LIPA: variants seen among roughly 807,000 people sequenced by gnomAD.
LIPA encodes lysosomal acid lipase/cholesteryl ester hydrolase.
A neutral mutation model predicts 40.6 loss-of-function variants in LIPA; 26 were observed. That is an observed-to-expected ratio of 0.64 (90% CI 0.47 to 0.89). LIPA has a LOEUF of 0.89. Among genes scored for constraint, LIPA ranks in the 40% least tolerant of loss-of-function variants. The probability of loss-of-function intolerance (pLI) is 0.00; values close to 1 mark genes in which losing one functional copy is unlikely to be tolerated. For missense variants in LIPA, 455 were observed against 479.6 expected (o/e 0.95, Z 0.48); for synonymous variants, 188 against 168.4 (o/e 1.12, Z -0.90).
At chr10:89,275,249 G>A (rs1843284004) in intron 1 of LIPA, among the ~76,000 whole-genome samples, 2 of 152,154 alleles carry the variant, frequency 1.3e-5, no homozygotes, top group African/African-American at 4.8e-5. Context: ...CCCATCTCCT[G>A]GGTTAACTCC....
At chr10:89,395,208 G>A (rs2133617290) in intron 2 of LIPA, among the ~76,000 whole-genome samples, 1 of 127,946 alleles carries the variant, frequency 7.8e-6, no homozygotes, top group East Asian at 2.6e-4. Flanking sequence ...GGACCAGGCA[G>A]ATGTGCTGCA....
intron 1 of LIPA, among the ~76,000 whole-genome samples, chr10:89,281,492 T>C (rs1228441285): frequency 6.6e-6 from 1 of 152,188 alleles, no homozygotes; most frequent in Non-Finnish European, 1.5e-5. Flanking sequence ...TTTTAACAGG[T>C]GCCCACTGCA....
chr10:89,285,325 C>T (rs1276102934), intron 1 of LIPA: 2 of 152,484 alleles, frequency 1.3e-5, no homozygotes, highest in South Asian at 2.1e-4. Context: ...ACCTCTTTCT[C>T]CTTTCAATCT....
chr10:89,220,909 T>C (rs1397872923), intron 8 of LIPA, among the ~76,000 whole-genome samples: 1 of 152,144 alleles, frequency 6.6e-6, no homozygotes, highest in African/African-American at 2.4e-5. Flanking sequence ...ACTACTGACA[T>C]ACACAACATA....
At chr10:89,380,427 A>C (rs532909842) in intron 2 of LIPA, among the ~76,000 whole-genome samples, 1 of 149,654 alleles carries the variant, frequency 6.7e-6, no homozygotes, top group East Asian at 2.0e-4. Flanking sequence ...ATACATGCAC[A>C]AACTCATCTT....
intron 1 of LIPA, among the ~76,000 whole-genome samples, chr10:89,269,410 T>C (rs986262575): frequency 6.6e-6 from 1 of 152,238 alleles, no homozygotes; most frequent in Non-Finnish European, 1.5e-5. Context: ...ACTAGGATCA[T>C]GTCCTAGAAA....
chr10:89,246,105 A>G (rs1339229641), intron 2 of LIPA, among the ~76,000 whole-genome samples: 8 of 152,182 alleles, frequency 5.3e-5, no homozygotes, highest in African/African-American at 7.2e-5. Flanking sequence ...ACCGGGCACA[A>G]ATAAATGCTC....
At chr10:89,258,508 T>A (rs1305352300) in intron 1 of LIPA, among the ~76,000 whole-genome samples, 1 of 152,220 alleles carries the variant, frequency 6.6e-6, no homozygotes, top group Non-Finnish European at 1.5e-5. Flanking sequence ...TACCACTTCA[T>A]ACCCACTAGG....
intron 1 of LIPA, among the ~76,000 whole-genome samples, chr10:89,288,217 C>T (rs900826133): frequency 1.5e-5 from 2 of 134,942 alleles, no homozygotes; most frequent in Non-Finnish European, 3.5e-5. Context: ...ACTCCTTCTA[C>T]AAAACAACAA....
chr10:89,386,960 TGTGTGTGTGTGTGA>T (rs147847545), intron 2 of LIPA, among the ~76,000 whole-genome samples: 38,012 of 145,488 alleles, frequency 0.26, 4,978 homozygotes, highest in Middle Eastern at 0.29. Flanking sequence ...TGTGTGTGTG[TGTGTGTGTGTGTGA>T]GAGAGAGAGA....
intron 2 of LIPA, among the ~76,000 whole-genome samples, chr10:89,409,447 C>T (rs578002573): frequency 6.6e-6 from 1 of 152,218 alleles, no homozygotes; most frequent in African/African-American, 2.4e-5. Flanking sequence ...ACAAGCTGCC[C>T]CCTCACCCAT....
In LIPA at chr10:89,228,537, T is replaced by A. The variant is rs943918943; in HGVS notation, c.230-139A>T. 6.6e-5 allele frequency: 52 copies of A among 792,384 alleles called. No homozygotes were observed. In the South Asian group the frequency reaches 7.2e-4, roughly 11 times the overall value. 49.1% of individuals were successfully genotyped at this position (792,384 alleles called of 1,614,324 possible). A position where few individuals can be genotyped will look rare whatever the true frequency, so the allele number is the denominator to read the frequency against. On this transcript the variant is annotated intron_variant, in intron 3 of 9. Transcript: ENST00000336233. Reference sequence around the variant, plus strand: ...AAATTGAAAGATTGACATAGTGATGTACTCACATATAATGTTAGTAAAGAA... The same window carrying A: ...AAATTGAAAGATTGACATAGTGATGAACTCACATATAATGTTAGTAAAGAA...
intron 1 of LIPA, chr10:89,277,934 C>G (rs1482131388): frequency 6.6e-6 from 1 of 152,208 alleles, no homozygotes; most frequent in African/African-American, 2.4e-5. Flanking sequence ...GCTCACTTAC[C>G]TAAATTACAA....
intron 1 of LIPA, among the ~76,000 whole-genome samples, chr10:89,258,298 A>G (rs998702951): frequency 1.3e-5 from 2 of 152,194 alleles, no homozygotes; most frequent in Admixed American, 1.3e-4. Flanking sequence ...GACCATACAC[A>G]TACATTTGAA....
intron 3 of LIPA, among the ~76,000 whole-genome samples, chr10:89,236,904 T>C (rs1842911994): frequency 6.6e-6 from 1 of 152,080 alleles, no homozygotes; most frequent in Non-Finnish European, 1.5e-5. Context: ...AAAAAGAAGG[T>C]GAAGAATCTA....
chr10:89,228,576 G>A (rs766818821), intron 3 of LIPA, among the ~76,000 whole-genome samples, 178 bp from the exon 4 acceptor site: 15 of 152,186 alleles, frequency 9.9e-5, no homozygotes, highest in Non-Finnish European at 2.1e-4. Flanking sequence ...TTTTAAAACA[G>A]CACTGGCAAG....
At chr10:89,402,196 G>A in intron 2 of LIPA, 2 of 806,060 alleles carry the variant, frequency 2.5e-6, no homozygotes, top group South Asian at 1.7e-5. Context: ...TCAAGGATAA[G>A]CACTAAAATA....
chr10:89,325,047 TATA>T (rs1843591643), intron 1 of LIPA, among the ~76,000 whole-genome samples: 1 of 151,852 alleles, frequency 6.6e-6, no homozygotes, highest in African/African-American at 2.4e-5. Context: ...GAAATTAAAG[TATA>T]ATAATAAAAA....
chr10:89,288,041 TC>T lies in LIPA; in HGVS notation c.-1-40393del, dbSNP rs529998965. ...GGACTGACCCCGACACCCATCAGGCTCAGCAAATTACCTGGGCTGTACTGCT... is the reference window on the plus strand; with the variant it reads ...GGACTGACCCCGACACCCATCAGGCTAGCAAATTACCTGGGCTGTACTGCT... On this transcript the variant is annotated intron_variant, in intron 1 of 5. Coordinates refer to the LIPA transcript ENST00000282673. Among the ~76,000 whole-genome samples, 216 of 152,342 alleles carry T rather than the reference TC, an allele frequency of 1.4e-3. 1 individual carries two copies. The highest frequency in any genetic ancestry group is 4.9e-3 in the African/African-American group (205 of 41,584).
Sources: gnomAD v4.1 joint callset for allele counts (sites outside exome capture counted in the v4.1 genomes callset) on GRCh38, gnomAD v4.1.1 for gene constraint, MANE v1.5 for transcripts, NCBI Gene and HGNC (gene_info 2026-07-23, HGNC 2026-07-21) for gene names.